The following TNS1 variants were observed in gnomAD, a reference collection of about 807,000 sequenced individuals.
TNS1 encodes the protein tensin-1.
A neutral mutation model predicts 168.6 loss-of-function variants in TNS1; 62 were observed. That is an observed-to-expected ratio of 0.37 (90% CI 0.30 to 0.45). The LOEUF is 0.45. TNS1 is among the 20% of genes least tolerant of loss of function. TNS1 has a pLI of 1.00. For missense variants in TNS1, 2,240 were observed against 2,339.4 expected, an observed-to-expected ratio of 0.96 and a Z score of 0.88; for synonymous variants, 934 against 933.2, an observed-to-expected ratio of 1.00 and a Z score of -0.02.
chr2:217,835,645 T>C (rs1278850945), intron 20 of TNS1, among the ~76,000 whole-genome samples: 1 of 152,080 alleles, frequency 6.6e-6, no homozygotes, highest in Non-Finnish European at 1.5e-5. Context: ...GAAAATTAAA[T>C]CTCCTGAGAA....
intron 6 of TNS1, among the ~76,000 whole-genome samples, chr2:217,901,363 A>T (rs552991105): frequency 6.6e-6 from 1 of 152,356 alleles, no homozygotes; most frequent in African/African-American, 2.4e-5. Flanking sequence ...TATGCATATA[A>T]GGCACTTCGC....
intron 3 of TNS1, among the ~76,000 whole-genome samples, chr2:217,955,066 G>A (rs565021946): frequency 6.6e-5 from 10 of 152,314 alleles, no homozygotes; most frequent in East Asian, 3.9e-4. Context: ...AGCCAGAGCC[G>A]GACAGGTGTC....
chr2:217,884,494 TC>T (rs1352245226), intron 16 of TNS1, among the ~76,000 whole-genome samples: 2 of 152,076 alleles, frequency 1.3e-5, no homozygotes, highest in Non-Finnish European at 2.9e-5. Context: ...AACCACCTCT[TC>T]TCCTCTCAGA....
chr2:217,905,785 T>C (rs1303114874), intron 6 of TNS1, among the ~76,000 whole-genome samples: 1 of 152,118 alleles, frequency 6.6e-6, no homozygotes, highest in Non-Finnish European at 1.5e-5. Context: ...GTGGGATCCT[T>C]CCATTTCAGG....
intron 3 of TNS1, among the ~76,000 whole-genome samples, chr2:217,971,941 A>T (rs921166454): frequency 6.6e-6 from 1 of 152,252 alleles, no homozygotes; most frequent in Non-Finnish European, 1.5e-5. Context: ...AGAGAAAAGA[A>T]GGAAAAACAA....
At chr2:217,832,843 A>C (rs1944633588) in intron 21 of TNS1, among the ~76,000 whole-genome samples, 1 of 152,174 alleles carries the variant, frequency 6.6e-6, no homozygotes, top group African/African-American at 2.4e-5. Context: ...CATAGGGGAC[A>C]AATGGGTACA....
Position 218,032,082 on chromosome 2 carries a change from T to A in TNS1, c.156+1738A>T, listed in dbSNP as rs1406944849. 6.6e-6 allele frequency among the ~76,000 whole-genome samples: 1 copy of A among 152,186 alleles called. No homozygotes were observed. The highest frequency in any genetic ancestry group is 6.5e-5 in the Admixed American group (1 of 15,276). On this transcript the variant is annotated intron_variant, in intron 1 of 1. Transcript: ENST00000649572. This position sits in a 1 kb window ranked among gnomAD's most constrained non-coding sequence, Gnocchi z 4.0. ...AGGGTGCCAAGCCCCAACCTCTTGC[T>A]CCTGAGGCTGACATGTGGGACCATA...
At chr2:217,815,268 C>T (rs1004307280) in intron 24 of TNS1, 2 of 403,996 alleles carry the variant, frequency 5.0e-6, no homozygotes, top group Non-Finnish European at 9.2e-6. Flanking sequence ...TGGGGTGATG[C>T]GTCTACATGC....
rs148081601 is a variant in TNS1, at chr2:217,804,128, T to A, written c.*331A>T. 5.6e-5 allele frequency: 12 copies of A among 215,234 alleles called. No individual in the cohort carries two copies. Among genetic ancestry groups the A allele is most frequent in the African/African-American group, 2.5e-4 (11 of 43,634 alleles). 13.3% of individuals were successfully genotyped at this position (215,234 alleles called of 1,614,324 possible). ...TGGATTCCCAAGGAGGTTTGTTCCT[T>A]CTCTTTTGAGGACATCCATCTTCTT... is the stretch of plus-strand genomic sequence containing the variant. On this transcript the variant is annotated 3_prime_UTR_variant, in exon 33 of 33. Transcript: ENST00000682258.
chr2:217,960,204 AC>A (rs751157743), intron 3 of TNS1, among the ~76,000 whole-genome samples: 7 of 152,138 alleles, frequency 4.6e-5, no homozygotes, highest in Non-Finnish European at 1.0e-4. Flanking sequence ...CCACCCCACA[AC>A]ATGTACCATT....
rs74859827 is a variant in TNS1 at position 217,823,709 on chromosome 2, C to T, written c.3374-1771G>A. On this transcript the variant is annotated intron_variant, in intron 22 of 32. Coordinates refer to ENST00000682258, the MANE Select transcript of TNS1 (RefSeq NM_001387777.1). ...CTTTTGTCCCCATACAGAACCCCCTCCACCCAACAGCAAGACAGTGGACAA... is the reference window on the plus strand; with the variant it reads ...CTTTTGTCCCCATACAGAACCCCCTTCACCCAACAGCAAGACAGTGGACAA... Among the ~76,000 whole-genome samples, 50 of 152,338 alleles carry T rather than the reference C, an allele frequency of 3.3e-4. No homozygotes were observed. The East Asian group carries it at 5.2e-3, about 16-fold the overall frequency.
At position 217,813,436 on chromosome 2, in the gene TNS1, G is replaced by C; in HGVS notation, c.4862-129C>G. The C allele has an allele frequency of 7.4e-6, 7 of 950,890 alleles. No homozygotes were observed. The highest frequency in any genetic ancestry group is 9.7e-6 in the Non-Finnish European group (6 of 621,486). The allele number at this position is 950,890 out of a possible 1,614,324, so 58.9% of individuals were successfully genotyped here. A position where few individuals can be genotyped will look rare whatever the true frequency, so the allele number is the denominator to read the frequency against. On this transcript the variant is annotated intron_variant, in intron 26 of 32. Coordinates refer to ENST00000682258, the MANE Select transcript of TNS1 (RefSeq NM_001387777.1). This position sits in a 1 kb window ranked among gnomAD's most constrained non-coding sequence, Gnocchi z 4.0. ...GGAGAAATGACTGAAGAGAGAACGTGGCTGGAGCCCCATGGACTGCAGAGC... is the reference window on the plus strand; with the variant it reads ...GGAGAAATGACTGAAGAGAGAACGTCGCTGGAGCCCCATGGACTGCAGAGC...
chr2:217,809,964 AC>A lies in TNS1; in HGVS notation c.5131del (p.Val1711TrpfsTer42), dbSNP rs1166981793. 6.2e-7 allele frequency: 1 copy of A among 1,612,180 alleles called. No individual in the cohort carries two copies. Among genetic ancestry groups the A allele is most frequent in the East Asian group, 2.2e-5 (1 of 44,848 alleles). ...TGGCCCAGTGAGTGACTCCATGTCCACAGAGTTGACGAAGAGCACATTGCAG... is the reference window on the plus strand; with the variant it reads ...TGGCCCAGTGAGTGACTCCATGTCCAAGAGTTGACGAAGAGCACATTGCAG... ...AACNVLFVNS[V>X]DMESLTGPQA... On this transcript the variant is annotated frameshift_variant, in exon 30 of 33. Coordinates refer to ENST00000682258, the MANE Select transcript of TNS1 (RefSeq NM_001387777.1). LOFTEE classifies it high-confidence loss of function.
chr2:217,841,179 G>T (rs1267964173), intron 19 of TNS1: 1 of 978,522 alleles, frequency 1.0e-6, no homozygotes, highest in African/African-American at 1.8e-5. Context: ...AAGGGAGAAG[G>T]GGGAAGGAGA....
At chr2:218,028,965 C>A (rs1458684329) in intron 1 of TNS1, among the ~76,000 whole-genome samples, 2 of 152,248 alleles carry the variant, frequency 1.3e-5, no homozygotes, top group Non-Finnish European at 2.9e-5. Flanking sequence ...CAGGCTCTGT[C>A]CCAGTGCCAG....
intron 18 of TNS1, among the ~76,000 whole-genome samples, chr2:217,851,974 C>T (rs1947559092): frequency 6.6e-6 from 1 of 152,046 alleles, no homozygotes; most frequent in Non-Finnish European, 1.5e-5. Flanking sequence ...TGAAACCCCA[C>T]CTCTACTAAA....
At chr2:217,807,218 A>C (rs374126071) in intron 32 of TNS1, among the ~76,000 whole-genome samples, 5 of 152,396 alleles carry the variant, frequency 3.3e-5, no homozygotes, top group East Asian at 1.9e-4. Flanking sequence ...TTATAAAGTC[A>C]ATCAGTGAGG....
At chr2:217,974,820 C>T (rs772067466) in intron 3 of TNS1, among the ~76,000 whole-genome samples, 3 of 152,188 alleles carry the variant, frequency 2.0e-5, no homozygotes. Flanking sequence ...TCCCAACACA[C>T]CCACGGCCTC....
At chr2:217,942,826 C>T (rs558326342) in intron 3 of TNS1, among the ~76,000 whole-genome samples, 1 of 152,088 alleles carries the variant, frequency 6.6e-6, no homozygotes, top group Non-Finnish European at 1.5e-5. Flanking sequence ...CCCATCCTAT[C>T]CCCCAACCCC....
Sources: allele counts gnomAD v4.1 joint callset (sites outside exome capture counted in the v4.1 genomes callset), GRCh38; gene constraint gnomAD v4.1.1; non-coding constraint Gnocchi (gnomAD v3.1); transcripts MANE v1.5; gene names NCBI Gene and HGNC (gene_info 2026-07-23, HGNC 2026-07-21).